The following DAB1 variants were observed in gnomAD, a reference collection of about 807,000 sequenced individuals.
DAB1 encodes the protein DAB adaptor protein 1.
DAB1 carries 15 observed loss-of-function variants against 64.6 expected under a neutral mutation model. That is an observed-to-expected ratio of 0.23 (90% CI 0.16 to 0.36). The LOEUF is 0.36. DAB1 is among the 10% of genes least tolerant of loss of function. The pLI is 1.00. For synonymous variants in DAB1, 235 were observed against 251.9 expected, an observed-to-expected ratio of 0.93 and a Z score of 0.64; for missense variants, 596 against 706.7, an observed-to-expected ratio of 0.84 and a Z score of 1.78.
intron 7 of DAB1, among the ~76,000 whole-genome samples, chr1:57,441,346 T>C (rs190558671): frequency 1.6e-4 from 24 of 150,814 alleles, no homozygotes; most frequent in Non-Finnish European, 2.5e-4. Context: ...TTTCTTTCTT[T>C]CTTTTTTTCT....
chr1:58,473,817 G>A (rs551900652), intron 3 of DAB1: 29 of 573,546 alleles, frequency 5.1e-5, no homozygotes, highest in Non-Finnish European at 7.5e-5. Flanking sequence ...TCTGAGCACC[G>A]CCAAGCACAC....
intron 1 of DAB1, among the ~76,000 whole-genome samples, chr1:57,328,356 C>T (rs1676361112): frequency 6.6e-6 from 1 of 152,108 alleles, no homozygotes; most frequent in African/African-American, 2.4e-5. Flanking sequence ...ACGTGGGGTG[C>T]TATACTCAAA....
chr1:58,530,740 T>C, intron 1 of DAB1: 3 of 870,456 alleles, frequency 3.4e-6, no homozygotes, highest in Non-Finnish European at 6.0e-6. Flanking sequence ...CTAAGAATAA[T>C]CAAAATAATA....
At chr1:58,134,817 C>T (rs918593166) in intron 5 of DAB1, among the ~76,000 whole-genome samples, 25 of 152,308 alleles carry the variant, frequency 1.6e-4, no homozygotes, top group Non-Finnish European at 3.2e-4. Context: ...GATTACAATT[C>T]AACATGAGAT....
intron 4 of DAB1, among the ~76,000 whole-genome samples, chr1:57,126,133 A>T (rs897932310): frequency 2.0e-5 from 3 of 151,356 alleles, no homozygotes; most frequent in Admixed American, 6.5e-5. Flanking sequence ...CCAGCTTGGC[A>T]TGGTTATTCT....
chr1:58,199,163 A>G (rs1287046077), intron 4 of DAB1, among the ~76,000 whole-genome samples: 2 of 152,144 alleles, frequency 1.3e-5, no homozygotes, highest in Non-Finnish European at 1.5e-5. Context: ...TATTGATCCC[A>G]TAAGAAGCTA....
At chr1:57,433,315 C>G (rs1685579853) in intron 7 of DAB1, among the ~76,000 whole-genome samples, 1 of 152,076 alleles carries the variant, frequency 6.6e-6, no homozygotes. Flanking sequence ...TCAAGACTTA[C>G]TAGAAAGCTC....
At chr1:57,299,730 T>C (rs1030386507) in intron 1 of DAB1, among the ~76,000 whole-genome samples, 6 of 152,236 alleles carry the variant, frequency 3.9e-5, no homozygotes, top group African/African-American at 1.4e-4. Flanking sequence ...CTACCAGTAG[T>C]TGGCAGAATG....
intron 2 of DAB1, among the ~76,000 whole-genome samples, chr1:57,288,273 C>G (rs571439999): frequency 6.6e-6 from 1 of 151,830 alleles, no homozygotes. Context: ...AATATCTATG[C>G]GATGGTGATG....
At chr1:57,035,388 C>T (rs1389397824) in intron 9 of DAB1, among the ~76,000 whole-genome samples, 13 of 152,022 alleles carry the variant, frequency 8.6e-5, no homozygotes, top group Admixed American at 6.6e-5. Context: ...GCTCATAAAA[C>T]CCCCCACCAT....
intron 7 of DAB1, among the ~76,000 whole-genome samples, chr1:57,448,031 A>G (rs1334238): frequency 0.34 from 51,027 of 152,042 alleles, 8,929 homozygotes; most frequent in East Asian, 0.54. Context: ...ACCCGTCCCT[A>G]AAAACATAAT....
chr1:58,465,792 C>T (rs1053218925), intron 3 of DAB1, among the ~76,000 whole-genome samples: 1 of 152,146 alleles, frequency 6.6e-6, no homozygotes, highest in African/African-American at 2.4e-5. Flanking sequence ...AGACAGGAAC[C>T]GTCATTATCC....
chr1:58,429,239 A>C (rs1303920118), intron 3 of DAB1, among the ~76,000 whole-genome samples: 1 of 152,186 alleles, frequency 6.6e-6, no homozygotes, highest in Non-Finnish European at 1.5e-5. Flanking sequence ...TCTAAAAAAA[A>C]TTGTTTGTAA....
At chr1:57,188,455 T>C (rs547377263) in intron 2 of DAB1, among the ~76,000 whole-genome samples, 1 of 152,294 alleles carries the variant, frequency 6.6e-6, no homozygotes, top group South Asian at 2.1e-4. Flanking sequence ...TGAGACCTAA[T>C]GAAAATAAGC....
intron 4 of DAB1, among the ~76,000 whole-genome samples, chr1:57,122,938 G>A (rs557913087): frequency 2.2e-4 from 33 of 152,158 alleles, no homozygotes; most frequent in African/African-American, 6.0e-4. Flanking sequence ...TCCAAAGAGC[G>A]CCTGAGTCAT....
At chr1:58,205,509 C>T (rs1658224229) in intron 4 of DAB1, among the ~76,000 whole-genome samples, 1 of 152,214 alleles carries the variant, frequency 6.6e-6, no homozygotes, top group Admixed American at 6.5e-5. Flanking sequence ...CCTCAAGGCC[C>T]TGAGAACCTG....
At chr1:57,673,626 G>T (rs2101687021) in intron 6 of DAB1, among the ~76,000 whole-genome samples, 1 of 152,192 alleles carries the variant, frequency 6.6e-6, no homozygotes, top group South Asian at 2.1e-4. Flanking sequence ...ACATTTCGGA[G>T]CAGTAAATAT....
At chr1:57,040,275 A>T (rs1157127086) in intron 9 of DAB1, among the ~76,000 whole-genome samples, 2 of 152,104 alleles carry the variant, frequency 1.3e-5, no homozygotes, top group African/African-American at 4.8e-5. Context: ...TGCTGTTGTC[A>T]TGGGATAGAG....
At chr1:58,183,183 A>G (rs181090592) in intron 4 of DAB1, among the ~76,000 whole-genome samples, 51 of 152,138 alleles carry the variant, frequency 3.4e-4, no homozygotes, top group South Asian at 1.5e-3. Context: ...ATTCAGTAAC[A>G]TTTCTACCCT....
Sources: gnomAD v4.1 joint callset for allele counts (sites outside exome capture counted in the v4.1 genomes callset) on GRCh38, gnomAD v4.1.1 for gene constraint, MANE v1.5 for transcripts, NCBI Gene and HGNC (gene_info 2026-07-23, HGNC 2026-07-21) for gene names.